The following EEPD1 variants were observed in gnomAD, a reference collection of about 807,000 sequenced individuals.
EEPD1 encodes the protein endonuclease/exonuclease/phosphatase family domain containing 1, also known as endonuclease/exonuclease/phosphatase family domain-containing protein 1.
Under a neutral mutation model 46.3 loss-of-function variants are expected in EEPD1, and 17 were observed. The ratio of observed to expected loss-of-function variants is 0.37; its 90% CI spans 0.25 to 0.55. EEPD1 has a LOEUF of 0.55. EEPD1 is among the 20% of genes least tolerant of loss of function. The pLI, the probability that EEPD1 is intolerant of heterozygous loss-of-function variation, is 0.83. For synonymous variants in EEPD1, 313 were observed against 315.6 expected (o/e 0.99, Z 0.09); for missense variants, 673 against 745.6 (o/e 0.90, Z 1.13).
rs1352653254 is a variant in EEPD1 at position 36,300,642 on chromosome 7, C to A, written c.*1436C>A. 1 of 152,214 alleles carries A rather than the reference C, an allele frequency of 6.6e-6. No homozygotes were observed. The highest frequency in any genetic ancestry group is 1.5e-5 in the Non-Finnish European group (1 of 68,046). The allele number at this position is 152,214 out of a possible 1,614,324, so 9.4% of individuals were successfully genotyped here. On this transcript the variant is annotated 3_prime_UTR_variant, in exon 8 of 8. Transcript: ENST00000242108. ...AGTATCAAGAACCCTCCTGTCCCCA[C>A]GCAGTGTAAACCCAGTGGCTTCTCT...
chr7:36,186,388 A>G lies in EEPD1; in HGVS notation c.878+31186A>G, dbSNP rs148200282. Among the ~76,000 whole-genome samples, 41 of 152,322 alleles carry G rather than the reference A, an allele frequency of 2.7e-4. 1 individual carries two copies. The East Asian group carries it at 7.5e-3, about 28-fold the overall frequency. ...CTTCTGACCCCTGGAAGTCTTTCAT[A>G]AGTGGGGTCAACCTGAAGTTCTAAG... On this transcript the variant is annotated intron_variant, in intron 2 of 7. Transcript: ENST00000242108.
At chr7:36,207,888 G>GTTTTTTTTTTTTTTTTTT (rs35062290) in intron 2 of EEPD1, among the ~76,000 whole-genome samples, 1 of 122,184 alleles carries the variant, frequency 8.2e-6, no homozygotes, top group Non-Finnish European at 1.7e-5. Flanking sequence ...CAGTGCAGGA[G>GTTTTTTTTTTTTTTTTTT]TTTTTTTTTT....
intron 2 of EEPD1, among the ~76,000 whole-genome samples, chr7:36,173,865 C>T (rs1477302382): frequency 6.6e-6 from 1 of 152,110 alleles, no homozygotes; most frequent in East Asian, 1.9e-4. Flanking sequence ...CAGCAGAGTC[C>T]ACCACCCAGT....
rs1231055661 is a variant in EEPD1, at chr7:36,300,695, G to A, written c.*1489G>A. On this transcript the variant is annotated 3_prime_UTR_variant, in exon 8 of 8. Coordinates refer to ENST00000242108, the MANE Select transcript of EEPD1 (RefSeq NM_030636.3). ...CCTGGAGCTGATGGGCCGTGAAGGGGGCCTATTTTTCTCCAAAGGCCATCC... is the reference window on the plus strand; with the variant it reads ...CCTGGAGCTGATGGGCCGTGAAGGGAGCCTATTTTTCTCCAAAGGCCATCC... The A allele has an allele frequency of 6.6e-6, 1 of 152,158 alleles. No individual in the cohort carries two copies. The highest frequency in any genetic ancestry group is 2.1e-4 in the South Asian group (1 of 4,826). 9.4% of individuals were successfully genotyped at this position (152,158 alleles called of 1,614,324 possible). A position where few individuals can be genotyped will look rare whatever the true frequency, so the allele number is the denominator to read the frequency against.
intron 2 of EEPD1, among the ~76,000 whole-genome samples, chr7:36,227,644 C>T (rs575562964): frequency 1.5e-4 from 23 of 152,234 alleles, no homozygotes; most frequent in Admixed American, 1.2e-3. Context: ...TTTGGCCAGG[C>T]GCAGTGGCTC....
rs1583776597 is a variant in EEPD1, at chr7:36,157,258, C to T, written c.878+2056C>T. ...GTACAACTGTCATTTTTATTTTCCCCTTTGATTGTTTTGATCATCCTTATA... is the reference window on the plus strand; with the variant it reads ...GTACAACTGTCATTTTTATTTTCCCTTTTGATTGTTTTGATCATCCTTATA... On this transcript the variant is annotated intron_variant, in intron 2 of 7. Coordinates refer to ENST00000242108, the MANE Select transcript of EEPD1 (RefSeq NM_030636.3). Among the ~76,000 whole-genome samples, 4 of 152,182 alleles carry T rather than the reference C, an allele frequency of 2.6e-5. No individual in the cohort carries two copies. The South Asian group carries it at 8.3e-4, about 32-fold the overall frequency.
At chr7:36,288,023 G>C (rs965729609) in intron 6 of EEPD1, among the ~76,000 whole-genome samples, 1 of 152,172 alleles carries the variant, frequency 6.6e-6, no homozygotes, top group Non-Finnish European at 1.5e-5. Flanking sequence ...GCCTCATTTA[G>C]ATAGAAAGGA....
chr7:36,261,332 C>T (rs769183202), intron 3 of EEPD1, among the ~76,000 whole-genome samples: 1 of 152,208 alleles, frequency 6.6e-6, no homozygotes, highest in Admixed American at 6.5e-5. Context: ...AGGGCCTCTG[C>T]TTGCCCTTGG....
chr7:36,223,957 A>G (rs555550041), intron 2 of EEPD1, among the ~76,000 whole-genome samples: 8 of 152,284 alleles, frequency 5.3e-5, no homozygotes, highest in African/African-American at 1.7e-4. Flanking sequence ...TCTCCTCTTC[A>G]TTGGTTCTTT....
chr7:36,192,661 T>A (rs1785481263), intron 2 of EEPD1, among the ~76,000 whole-genome samples: 1 of 152,216 alleles, frequency 6.6e-6, no homozygotes, highest in Admixed American at 6.6e-5. Context: ...CACACCTGGG[T>A]TATGAAATAG....
intron 2 of EEPD1, among the ~76,000 whole-genome samples, chr7:36,198,433 A>G (rs1236870633): frequency 6.8e-6 from 1 of 147,970 alleles, no homozygotes; most frequent in Non-Finnish European, 1.5e-5. Context: ...AAAAAAAAAA[A>G]AGAAATCTTT....
intron 2 of EEPD1, among the ~76,000 whole-genome samples, chr7:36,195,359 G>A (rs1785559894): frequency 1.3e-5 from 2 of 152,156 alleles, no homozygotes; most frequent in South Asian, 4.1e-4. Flanking sequence ...ATGATGTGGT[G>A]GCAATGCCTC....
rs1158543563 is a variant in EEPD1, at chr7:36,155,157, A to AC, written c.837dup (p.Gly280ArgfsTer25). ...GGCTGTTCCGTGGAGAAGGCCAACA[A>AC]CCCCGGGGTGCGAGAGGTGGTGTGC... On this transcript the variant is annotated frameshift_variant, in exon 2 of 8. Coordinates refer to ENST00000242108, the MANE Select transcript of EEPD1 (RefSeq NM_030636.3). LOFTEE classifies it high-confidence loss of function. 6.6e-7 allele frequency: 1 copy of AC among 1,522,400 alleles called. No homozygotes were observed. The highest frequency in any genetic ancestry group is 8.8e-7 in the Non-Finnish European group (1 of 1,136,520). 94.3% of individuals were successfully genotyped at this position (1,522,400 alleles called of 1,614,324 possible). A position where few individuals can be genotyped will look rare whatever the true frequency, so the allele number is the denominator to read the frequency against.
At chr7:36,162,630 G>A (rs1050837070) in intron 2 of EEPD1, among the ~76,000 whole-genome samples, 9 of 151,952 alleles carry the variant, frequency 5.9e-5, no homozygotes, top group Non-Finnish European at 2.9e-5. Flanking sequence ...AGCACAGAGC[G>A]AGACCCTGTC....
intron 2 of EEPD1, among the ~76,000 whole-genome samples, chr7:36,173,892 C>T (rs1785131396): frequency 6.6e-6 from 1 of 152,200 alleles, no homozygotes; most frequent in Non-Finnish European, 1.5e-5. Context: ...AATACAAATG[C>T]AGAGATTCAC....
chr7:36,253,239 CA>C (rs1407430696), intron 3 of EEPD1, among the ~76,000 whole-genome samples: 1 of 152,194 alleles, frequency 6.6e-6, no homozygotes, highest in Admixed American at 6.5e-5. Context: ...TTAATTTCCA[CA>C]AATTTGTGAA....
intron 3 of EEPD1, among the ~76,000 whole-genome samples, chr7:36,258,334 C>G (rs1786859498): frequency 6.6e-6 from 1 of 152,204 alleles, no homozygotes; most frequent in Non-Finnish European, 1.5e-5. Context: ...CAGTCTGTCC[C>G]TTAGCAGAGC....
At chr7:36,171,026 A>G (rs888927541) in intron 2 of EEPD1, among the ~76,000 whole-genome samples, 2 of 152,150 alleles carry the variant, frequency 1.3e-5, no homozygotes, top group African/African-American at 4.8e-5. Context: ...GGCTCAAGCA[A>G]TCCTCCTGCC....
chr7:36,238,682 A>G (rs1322307842), intron 2 of EEPD1, among the ~76,000 whole-genome samples: 1 of 152,230 alleles, frequency 6.6e-6, no homozygotes, highest in South Asian at 2.1e-4. Context: ...GCTATTGTGA[A>G]TAATGCTGCT....
Sources: allele counts gnomAD v4.1 joint callset (sites outside exome capture counted in the v4.1 genomes callset), GRCh38; gene constraint gnomAD v4.1.1; transcripts MANE v1.5; gene names NCBI Gene and HGNC (gene_info 2026-07-23, HGNC 2026-07-21).